The following LRRN1 variants were observed in gnomAD, a reference collection of about 807,000 sequenced individuals.
The protein encoded by LRRN1 is leucine-rich repeat neuronal protein 1.
A neutral mutation model predicts 45.8 loss-of-function variants in LRRN1; 14 were observed. That is an observed-to-expected ratio of 0.31 (90% CI 0.20 to 0.48). The LOEUF (loss-of-function observed/expected upper bound fraction) is 0.48, where lower values mean the gene tolerates loss of function less well. Among genes scored for constraint, LRRN1 ranks in the 20% least tolerant of loss-of-function variants. LRRN1 has a pLI of 0.99. For synonymous variants in LRRN1, 359 were observed against 330.1 expected (o/e 1.09, Z -0.95); for missense variants, 789 against 874.2 (o/e 0.90, Z 1.23).
chr3:3,810,157 A>G (rs1692845363), intron 1 of LRRN1, among the ~76,000 whole-genome samples: 1 of 151,932 alleles, frequency 6.6e-6, no homozygotes, highest in African/African-American at 2.4e-5. Flanking sequence ...TCTGTATCCC[A>G]CTCTCTCTTT....
chr3:3,818,026 A>G (rs539306897), intron 1 of LRRN1, among the ~76,000 whole-genome samples: 30 of 152,242 alleles, frequency 2.0e-4, no homozygotes, highest in African/African-American at 5.8e-4. Flanking sequence ...TGACGAGTCT[A>G]TTTTTTCACT....
intron 1 of LRRN1, among the ~76,000 whole-genome samples, chr3:3,817,359 C>T (rs943356553): frequency 2.6e-5 from 4 of 152,120 alleles, no homozygotes; most frequent in Admixed American, 1.3e-4. Flanking sequence ...GGGCAGATGG[C>T]GTTACTTTGC....
chr3:3,839,364 T>C (rs1693596206), intron 1 of LRRN1, among the ~76,000 whole-genome samples: 1 of 152,196 alleles, frequency 6.6e-6, no homozygotes, highest in African/African-American at 2.4e-5. Context: ...TCTGCCTTTA[T>C]GTCAGTACCA....
chr3:3,814,464 G>A (rs1000002496), intron 1 of LRRN1, among the ~76,000 whole-genome samples: 5 of 151,848 alleles, frequency 3.3e-5, no homozygotes, highest in African/African-American at 4.8e-5. Flanking sequence ...CTCACTCAGG[G>A]TTGTTTGCCC....
At chr3:3,841,093 A>G (rs1200941000) in intron 1 of LRRN1, among the ~76,000 whole-genome samples, 2 of 152,072 alleles carry the variant, frequency 1.3e-5, no homozygotes. Flanking sequence ...AAGTCAGGAG[A>G]TCCAGACCAT....
At chr3:3,808,664 T>C (rs1266883086) in intron 1 of LRRN1, among the ~76,000 whole-genome samples, 1 of 152,206 alleles carries the variant, frequency 6.6e-6, no homozygotes, top group Non-Finnish European at 1.5e-5. Flanking sequence ...GTTAAAGTGC[T>C]TGGCTATATT....
At chr3:3,810,866 A>G (rs1472313234) in intron 1 of LRRN1, among the ~76,000 whole-genome samples, 3 of 152,222 alleles carry the variant, frequency 2.0e-5, no homozygotes, top group Non-Finnish European at 4.4e-5. Context: ...TTGCACATGA[A>G]GGGAAGAGTT....
intron 1 of LRRN1, among the ~76,000 whole-genome samples, chr3:3,842,913 A>C (rs913984904): frequency 6.6e-6 from 1 of 151,938 alleles, no homozygotes; most frequent in African/African-American, 2.4e-5. Context: ...GCAGGTGAGC[A>C]GTACATACCT....
At chr3:3,827,671 A>G (rs1693254430) in intron 1 of LRRN1, among the ~76,000 whole-genome samples, 1 of 152,228 alleles carries the variant, frequency 6.6e-6, no homozygotes, top group Non-Finnish European at 1.5e-5. Flanking sequence ...AACATTATCT[A>G]CATGATATGG....
intron 1 of LRRN1, among the ~76,000 whole-genome samples, chr3:3,806,485 A>C (rs550838917): frequency 6.6e-6 from 1 of 152,192 alleles, no homozygotes; most frequent in South Asian, 2.1e-4. Context: ...TGCTTGAGAG[A>C]GGGTAGACTC....
chr3:3,824,167 A>C (rs1174031939), intron 1 of LRRN1, among the ~76,000 whole-genome samples: 4 of 152,228 alleles, frequency 2.6e-5, no homozygotes, highest in African/African-American at 7.2e-5. Context: ...CATCATTGTA[A>C]AGAATAGAGA....
intron 1 of LRRN1, among the ~76,000 whole-genome samples, chr3:3,842,293 T>C (rs926374805): frequency 1.3e-5 from 2 of 151,796 alleles, no homozygotes; most frequent in African/African-American, 4.8e-5. Context: ...GGGAGAAGAA[T>C]GCCAAATGTA....
At chr3:3,831,116 G>C (rs970821914) in intron 1 of LRRN1, among the ~76,000 whole-genome samples, 2 of 152,168 alleles carry the variant, frequency 1.3e-5, no homozygotes, top group African/African-American at 4.8e-5. Flanking sequence ...GCCTGCTTCT[G>C]TTCTGGACCC....
intron 1 of LRRN1, among the ~76,000 whole-genome samples, chr3:3,839,661 T>G (rs761478514): frequency 2.6e-4 from 40 of 152,162 alleles, no homozygotes; most frequent in Non-Finnish European, 5.6e-4. Context: ...TTATTTTGGT[T>G]ATCTCTTAAC....
intron 1 of LRRN1, chr3:3,827,241 C>T: frequency 4.4e-6 from 1 of 227,556 alleles, no homozygotes; most frequent in Non-Finnish European, 9.1e-6. Context: ...CAATAACTTA[C>T]CCAAGGTCAC....
intron 1 of LRRN1, among the ~76,000 whole-genome samples, chr3:3,815,708 A>G (rs917857835): frequency 6.6e-6 from 1 of 152,186 alleles, no homozygotes; most frequent in African/African-American, 2.4e-5. Flanking sequence ...ATTATCCTCA[A>G]TTAAATGTAA....
intron 1 of LRRN1, among the ~76,000 whole-genome samples, chr3:3,805,657 AG>A (rs1183488820): frequency 6.6e-6 from 1 of 152,228 alleles, no homozygotes; most frequent in East Asian, 1.9e-4. Flanking sequence ...CCTTTCTGCA[AG>A]GTGATGTTTC....
intron 1 of LRRN1, among the ~76,000 whole-genome samples, chr3:3,834,861 C>A (rs897104634): frequency 6.6e-6 from 1 of 151,770 alleles, no homozygotes; most frequent in African/African-American, 2.4e-5. Flanking sequence ...TTGTCCCCAC[C>A]AGATTAAGGG....
intron 1 of LRRN1, among the ~76,000 whole-genome samples, chr3:3,811,605 G>C (rs539322893): frequency 3.0e-4 from 45 of 152,280 alleles, no homozygotes; most frequent in African/African-American, 1.0e-3. Context: ...TATACTCAGA[G>C]ATATTACTAT....
Sources: gnomAD v4.1 joint callset for allele counts (sites outside exome capture counted in the v4.1 genomes callset) on GRCh38, gnomAD v4.1.1 for gene constraint, MANE v1.5 for transcripts, NCBI Gene and HGNC (gene_info 2026-07-23, HGNC 2026-07-21) for gene names.